The following PTGER3 variants were observed in gnomAD, a reference collection of about 807,000 sequenced individuals.
PTGER3 encodes prostaglandin E receptor 3.
Under a neutral mutation model 34.7 loss-of-function variants are expected in PTGER3, and 22 were observed. The observed-to-expected ratio is 0.63, with a 90% CI of 0.45 to 0.91. The LOEUF is 0.91. PTGER3 is among the 40% of genes least tolerant of loss of function. PTGER3 has a pLI of 0.00. For synonymous variants in PTGER3, 241 were observed against 230.1 expected (o/e 1.05, Z -0.43); for missense variants, 468 against 519.4 (o/e 0.90, Z 0.96).
chr1:70,928,868 T>TAC (rs34765576), intron 4 of PTGER3, among the ~76,000 whole-genome samples: 68,926 of 147,058 alleles, frequency 0.47, 16,728 homozygotes, highest in South Asian at 0.61. Context: ...AATTTACAGA[T>TAC]ACACACACAC....
intron 4 of PTGER3, chr1:70,862,197 C>T (rs1645942474): frequency 1.2e-5 from 7 of 560,100 alleles, no homozygotes; most frequent in Non-Finnish European, 1.8e-5. Context: ...TTTTCACCCA[C>T]TCCTGAATTT....
At chr1:70,970,748 T>C, downstream of PTGER3, 1 of 490,426 alleles carries the variant, frequency 2.0e-6, no homozygotes, top group Non-Finnish European at 2.6e-6. Context: ...GGTAACGGCA[T>C]ATCCGTTGAA....
chr1:70,945,973 T>C (rs1650189734), intron 4 of PTGER3, among the ~76,000 whole-genome samples: 1 of 152,096 alleles, frequency 6.6e-6, no homozygotes, highest in Admixed American at 6.6e-5. Context: ...ACAGCTAACA[T>C]TGGAAAGGGC....
intron 2 of PTGER3, among the ~76,000 whole-genome samples, chr1:70,981,880 G>A (rs1654408410): frequency 6.6e-6 from 1 of 152,040 alleles, no homozygotes; most frequent in Non-Finnish European, 1.5e-5. Context: ...TCAATCAATT[G>A]ACTCATGGCC....
chr1:70,989,694 G>A (rs11801026), intron 2 of PTGER3, among the ~76,000 whole-genome samples: 8,685 of 152,186 alleles, frequency 0.057, 447 homozygotes, highest in African/African-American at 0.13. Context: ...TATGTCACTT[G>A]CTGATTGAAA....
chr1:70,869,243 C>CTATT (rs1367117679), intron 4 of PTGER3: 1 of 469,922 alleles, frequency 2.1e-6, no homozygotes, highest in Non-Finnish European at 4.4e-6. Flanking sequence ...AACTCACTCA[C>CTATT]TATCATGAGA....
rs117026693 is a variant in PTGER3 at position 70,973,672 on chromosome 1, C to A, written c.1169+625G>T. Among the ~76,000 whole-genome samples the A allele has an allele frequency of 4.3e-4, 65 of 152,206 alleles. 1 individual carries two copies. In the East Asian group the frequency reaches 0.011, roughly 26 times the overall value. ...CTGTGTTATCTCTGAAAAAATAAAC[C>A]TTTTCACAGTCCTTCTTAAAAAGAA... On this transcript the variant is annotated intron_variant, in intron 3 of 3. Transcript: ENST00000306666.
At chr1:70,915,481 T>C (rs1572635561) in intron 4 of PTGER3, among the ~76,000 whole-genome samples, 1 of 151,976 alleles carries the variant, frequency 6.6e-6, no homozygotes, top group African/African-American at 2.4e-5. Flanking sequence ...CAGAGCATAC[T>C]GGTTAAGGTC....
intron 4 of PTGER3, among the ~76,000 whole-genome samples, chr1:70,919,212 A>T (rs992582458): frequency 6.6e-6 from 1 of 152,116 alleles, no homozygotes; most frequent in Non-Finnish European, 1.5e-5. Context: ...GTCTGTTGGG[A>T]TCTAACCCAA....
In PTGER3 at chr1:71,046,285, CAA is replaced by C. The variant is rs34411077; in HGVS notation, c.897+394_897+395del. ...TGGGTGACAGAGCGAGACTCCGTCTCAAAAAAAAAAAAAAAAAAAAACCCCAC... is the reference window on the plus strand; with the variant it reads ...TGGGTGACAGAGCGAGACTCCGTCTCAAAAAAAAAAAAAAAAAAACCCCAC... On this transcript the variant is annotated intron_variant, in intron 1 of 3. Transcript: ENST00000306666. 3.2e-3 allele frequency among the ~76,000 whole-genome samples: 258 copies of C among 81,138 alleles called. 2 individuals are homozygous for C. The highest frequency in any genetic ancestry group is 0.012 in the African/African-American group (227 of 19,486). 53.2% of individuals were successfully genotyped at this position (81,138 alleles called of 152,430 possible).
At chr1:71,000,355 T>G (rs190153555) in intron 2 of PTGER3, among the ~76,000 whole-genome samples, 106 of 152,316 alleles carry the variant, frequency 7.0e-4, no homozygotes, top group South Asian at 6.2e-3. Flanking sequence ...CATGAGAATT[T>G]GATAACATAC....
chr1:71,036,579 A>G (rs1046985483), intron 1 of PTGER3, among the ~76,000 whole-genome samples: 8 of 152,202 alleles, frequency 5.3e-5, no homozygotes, highest in East Asian at 3.9e-4. Flanking sequence ...AGTGGCTCAC[A>G]CCTGTAATCC....
chr1:71,019,388 G>A (rs1288337994), intron 1 of PTGER3, among the ~76,000 whole-genome samples: 1 of 152,192 alleles, frequency 6.6e-6, no homozygotes, highest in African/African-American at 2.4e-5. Context: ...AGCTGCAGCT[G>A]TTCTGTCAGC....
intron 2 of PTGER3, chr1:71,009,657 C>T (rs1038300690): frequency 3.6e-5 from 35 of 985,076 alleles, no homozygotes; most frequent in South Asian, 1.4e-4. Context: ...ACATTTCATT[C>T]GCTTACTTCT....
At chr1:70,981,389 TTC>T (rs1491096179) in intron 2 of PTGER3, among the ~76,000 whole-genome samples, 1 of 65,438 alleles carries the variant, frequency 1.5e-5, no homozygotes, top group Non-Finnish European at 3.1e-5. Flanking sequence ...CTTTCTTTCT[TTC>T]TTTCCTTCCT....
At chr1:71,018,496 T>C (rs761266971) in intron 1 of PTGER3, among the ~76,000 whole-genome samples, 1 of 152,186 alleles carries the variant, frequency 6.6e-6, no homozygotes, top group Non-Finnish European at 1.5e-5. Flanking sequence ...TTTTATAAAC[T>C]ATTAGAAAAG....
At chr1:70,854,481 T>C (rs1050403371) in intron 4 of PTGER3, among the ~76,000 whole-genome samples, 3 of 152,090 alleles carry the variant, frequency 2.0e-5, no homozygotes, top group African/African-American at 7.2e-5. Context: ...CAAAATGTAA[T>C]CTCCACATGT....
intron 4 of PTGER3, among the ~76,000 whole-genome samples, chr1:70,897,242 T>A (rs1474992797): frequency 1.3e-5 from 2 of 152,200 alleles, no homozygotes; most frequent in African/African-American, 4.8e-5. Flanking sequence ...TGGTGTCACA[T>A]TTCCATTGCT....
intron 2 of PTGER3, among the ~76,000 whole-genome samples, chr1:70,985,711 GCT>G (rs1654854216): frequency 6.6e-6 from 1 of 152,190 alleles, no homozygotes; most frequent in Non-Finnish European, 1.5e-5. Context: ...GAAGCAGGGA[GCT>G]CTCTTCTTCC....
Sources: gnomAD v4.1 joint callset for allele counts (sites outside exome capture counted in the v4.1 genomes callset) on GRCh38, gnomAD v4.1.1 for gene constraint, MANE v1.5 for transcripts, NCBI Gene and HGNC (gene_info 2026-07-23, HGNC 2026-07-21) for gene names.